The following PINK1 variants were observed in gnomAD, a reference collection of about 807,000 sequenced individuals.
PINK1 encodes the protein serine/threonine-protein kinase PINK1, mitochondrial.
PINK1 carries 58 observed loss-of-function variants against 56.0 expected under a neutral mutation model. That is an observed-to-expected ratio of 1.04 (90% confidence interval 0.84 to 1.29). PINK1 has a LOEUF of 1.29. Ranked by LOEUF, PINK1 falls within the 50% of genes most tolerant of loss-of-function variation. PINK1 has a pLI of 0.00. For missense variants in PINK1, 745 were observed against 777.9 expected (o/e 0.96, Z 0.50); for synonymous variants, 354 against 339.3 (o/e 1.04, Z -0.48).
At chr1:20,643,885 C>T (rs539902541) in intron 3 of PINK1, among the ~76,000 whole-genome samples, 1 of 152,294 alleles carries the variant, frequency 6.6e-6, no homozygotes, top group East Asian at 1.9e-4. Flanking sequence ...CAGATAGTAA[C>T]AAACCCTATA....
At position 20,633,885 on chromosome 1, in the gene PINK1, G is replaced by T. The variant is rs1007114265; in HGVS notation, c.337G>T (p.Glu113Ter). 15 of 1,583,336 alleles carry T rather than the reference G, an allele frequency of 9.5e-6. No individual in the cohort carries two copies. Among genetic ancestry groups the T allele is most frequent in the Non-Finnish European group, 1.1e-5 (13 of 1,166,732 alleles). The change falls in exon 1 of 8, where the codon GAA becomes TAA. Residue 113 changes from glutamate to a stop codon, truncating the protein, a stop_gained. Transcript: ENST00000321556. LOFTEE classifies it high-confidence loss of function. ...AFGLGLGLIE[E>*]KQAESRRAVS... is the part of the protein sequence containing the mutation. ...CGGGCTAGGGCTGGGCCTCATCGAG[G>T]AAAAACAGGCGGAGAGCCGGCGGGC...
Position 20,650,821 on chromosome 1 carries a change from C to G in PINK1, c.*130C>G. The stretch of plus-strand genomic sequence containing the variant: ...AGAGGGCTGGTTAGCCGGAAAAGGC[C>G]TCGGGCTTGGCAAATGGAAGAACTT... On this transcript the variant is annotated 3_prime_UTR_variant, in exon 8 of 8. Coordinates refer to ENST00000321556, the MANE Select transcript of PINK1 (RefSeq NM_032409.3). 3 of 1,277,722 alleles carry G rather than the reference C, an allele frequency of 2.3e-6. No homozygotes were observed. The South Asian group carries it at 3.9e-5, about 17-fold the overall frequency. The allele number at this position is 1,277,722 out of a possible 1,614,324, so 79.1% of individuals were successfully genotyped here.
chr1:20,643,343 G>C (rs60637577), intron 3 of PINK1, among the ~76,000 whole-genome samples: 1 of 152,252 alleles, frequency 6.6e-6, no homozygotes, highest in Non-Finnish European at 1.5e-5. Context: ...TGGTTTGGGG[G>C]TCGGGGGGCG....
Position 20,644,525 on chromosome 1 carries a change from A to AC in PINK1, c.816dup (p.Asn273GlnfsTer25), listed in dbSNP as rs772688164. 6.2e-7 allele frequency: 1 copy of AC among 1,614,080 alleles called. No homozygotes were observed. The highest frequency in any genetic ancestry group is 1.1e-5 in the South Asian group (1 of 91,080). On this transcript the variant is annotated frameshift_variant, in exon 4 of 8. Transcript: ENST00000321556. LOFTEE classifies it high-confidence loss of function. ...AGAGGTCCCAAGCAACTAGCCCCTC[A>AC]CCCCAACATCATCCGGGTTCTCCGC...
chr1:20,649,374 A>C, intron 7 of PINK1, 143 bp downstream of exon 7: 1 of 835,882 alleles, frequency 1.2e-6, no homozygotes, highest in Non-Finnish European at 1.9e-6. Context: ...GAGAACAAAA[A>C]ACAGATTTTA....
chr1:20,644,618 G>A lies in PINK1; in HGVS notation c.905G>A (p.Arg302His), dbSNP rs201940147. 30 of 1,614,164 alleles carry A rather than the reference G, an allele frequency of 1.9e-5. No homozygotes were observed. In the Admixed American group the frequency reaches 2.8e-4, roughly 15 times the overall value. The change falls in exon 4 of 8, where the codon CGC becomes CAC. Residue 302 changes from arginine to histidine, a missense_variant. Transcript: ENST00000321556. Reference protein sequence around the residue: ...LVDYPDVLPSRLHPEGLGHGR... With the variant: ...LVDYPDVLPSHLHPEGLGHGR... ...GACTACCCTGATGTGCTGCCCTCAC[G>A]CCTCCACCCTGAAGGCCTGGGCCAT... is the stretch of plus-strand genomic sequence containing the variant.
Position 20,644,647 on chromosome 1 carries a change from C to T in PINK1, c.934C>T (p.Arg312Trp), listed in dbSNP as rs536146282. ...RLHPEGLGHG[R>W]TLFLVMKNYP... is the part of the protein sequence containing the mutation. ...CCACCCTGAAGGCCTGGGCCATGGC[C>T]GGACGCTGTTCCTCGTTATGAAGAA... The change falls in exon 4 of 8, where the codon CGG becomes TGG. Residue 312 changes from arginine to tryptophan, a missense_variant. By Grantham distance (101) the Arg-to-Trp change is moderately radical. Transcript: ENST00000321556. The T allele has an allele frequency of 1.1e-5, 17 of 1,614,222 alleles. No individual in the cohort carries two copies. The highest frequency in any genetic ancestry group is 4.4e-5 in the South Asian group (4 of 91,084).
At chr1:20,637,302 G>A (rs539988388) in intron 1 of PINK1, among the ~76,000 whole-genome samples, 8 of 152,310 alleles carry the variant, frequency 5.3e-5, no homozygotes, top group Non-Finnish European at 8.8e-5. Flanking sequence ...CTGAACTCTT[G>A]TACTCTTGCT....
At chr1:20,639,815 G>GT in intron 2 of PINK1, 77 bp from the exon 3 acceptor site, 1 of 1,339,522 alleles carries the variant, frequency 7.5e-7, no homozygotes, top group South Asian at 1.2e-5. Flanking sequence ...CCTGCTCCAG[G>GT]TTACAGGCAG....
chr1:20,644,451 G>C (rs1283273352), intron 3 of PINK1, 39 bp from the exon 4 acceptor site: 3 of 1,602,928 alleles, frequency 1.9e-6, no homozygotes, highest in Admixed American at 1.7e-5. Context: ...TGTTGTATCT[G>C]ATGCTGGCCT....
In PINK1 at chr1:20,644,510, A is replaced by G. The variant is rs2053151636; in HGVS notation, c.797A>G (p.Lys266Arg). The G allele has an allele frequency of 6.2e-7, 1 of 1,614,202 alleles. No individual in the cohort carries two copies. The highest frequency in any genetic ancestry group is 2.2e-5 in the East Asian group (1 of 44,880). The change falls in exon 4 of 8, where the codon AAG becomes AGG. Residue 266 changes from lysine to arginine, a missense_variant. Transcript: ENST00000321556. ...ACTAGAAAATCCAAGAGAGGTCCCA[A>G]GCAACTAGCCCCTCACCCCAACATC... ...VTYRKSKRGP[K>R]QLAPHPNIIR... is the part of the protein sequence containing the mutation.
At chr1:20,644,887 A>T (rs1311954228) in intron 4 of PINK1, among the ~76,000 whole-genome samples, 3 of 152,216 alleles carry the variant, frequency 2.0e-5, no homozygotes, top group African/African-American at 7.2e-5. Flanking sequence ...CTTCATCCAG[A>T]ACATACTTGT....
rs1178309546 is a variant in PINK1, at chr1:20,645,598, C to T, written c.998C>T (p.Thr333Ile). 1.2e-6 allele frequency: 2 copies of T among 1,613,992 alleles called. No homozygotes were observed. The highest frequency in any genetic ancestry group is 1.3e-5 in the African/African-American group (1 of 75,020). ...CTGCGCCAGTACCTTTGTGTGAACACACCCAGCCCCCGCCTCGCCGCCATG... is the reference window on the plus strand; with the variant it reads ...CTGCGCCAGTACCTTTGTGTGAACATACCCAGCCCCCGCCTCGCCGCCATG... ...CTLRQYLCVN[T>I]PSPRLAAMML... The change falls in exon 5 of 8, where the codon ACA becomes ATA. Residue 333 changes from threonine (T) to isoleucine (I), a missense_variant. Physicochemically the swap from Thr to Ile is moderately conservative, Grantham distance 89 (BLOSUM62 -1). Coordinates refer to ENST00000321556, the MANE Select transcript of PINK1 (RefSeq NM_032409.3).
At chr1:20,634,736 C>T (rs1477615794) in intron 1 of PINK1, among the ~76,000 whole-genome samples, 1 of 152,202 alleles carries the variant, frequency 6.6e-6, no homozygotes, top group Admixed American at 6.5e-5. Flanking sequence ...GAAGCCTGGC[C>T]GCTGGCAGAA....
chr1:20,638,302 T>A, intron 2 of PINK1, 173 bp downstream of exon 2: 1 of 752,720 alleles, frequency 1.3e-6, no homozygotes, highest in Non-Finnish European at 2.1e-6. Flanking sequence ...AACCAGAATG[T>A]TTGAAATTGT....
At chr1:20,638,578 G>C (rs1413863644) in intron 2 of PINK1, 3 of 257,466 alleles carry the variant, frequency 1.2e-5, no homozygotes, top group Non-Finnish European at 2.3e-5. Flanking sequence ...AGAGGCAGAG[G>C]CTGCAGTGAT....
rs1050424583 is a variant in PINK1 at position 20,648,495 on chromosome 1, T to C, written c.1124-10T>C. On this transcript the variant is annotated splice_polypyrimidine_tract_variant and intron_variant, in intron 5 of 7. Coordinates refer to ENST00000321556, the MANE Select transcript of PINK1 (RefSeq NM_032409.3). ...GAGGAGAAATGGTCACTTTGCTTGC[T>C]CCTTCCCAGACGGCTGCCCCTGGCT... 1.2e-6 allele frequency: 2 copies of C among 1,614,098 alleles called. No homozygotes were observed. The highest frequency in any genetic ancestry group is 1.3e-5 in the African/African-American group (1 of 75,044).
intron 5 of PINK1, among the ~76,000 whole-genome samples, chr1:20,647,748 C>T (rs948446782): frequency 1.3e-5 from 2 of 152,014 alleles, no homozygotes; most frequent in Admixed American, 6.6e-5. Context: ...GGATTACAGG[C>T]GTGAGCCACT....
Position 20,650,480 on chromosome 1 carries a change from G to C in PINK1, c.1535G>C (p.Trp512Ser), listed in dbSNP as rs774261081. The C allele has an allele frequency of 6.2e-7, 1 of 1,614,128 alleles. No homozygotes were observed. Among genetic ancestry groups the C allele is most frequent in the East Asian group, 2.2e-5 (1 of 44,886 alleles). Residue 512 changes from tryptophan (W) to serine (S), a missense_variant, in exon 8 of 8, where the codon TGG becomes TCG. Transcript: ENST00000321556. ...GCAAATGTGCTTCATCTAAGCCTCT[G>C]GGGTGAACATATTCTAGCCCTGAAG... ...VAANVLHLSL[W>S]GEHILALKNL...
Sources: gnomAD v4.1 joint callset for allele counts (sites outside exome capture counted in the v4.1 genomes callset) on GRCh38, gnomAD v4.1.1 for gene constraint, MANE v1.5 for transcripts, NCBI Gene and HGNC (gene_info 2026-07-23, HGNC 2026-07-21) for gene names.